Variants in PCNX2 observed in about 807,000 individuals in gnomAD.
PCNX2 encodes pecanex 2.
Under a neutral mutation model 223.8 loss-of-function variants are expected in PCNX2, and 168 were observed. That is an observed-to-expected ratio of 0.75 (90% CI 0.66 to 0.85). The LOEUF (loss-of-function observed/expected upper bound fraction) is 0.85, where lower values mean the gene tolerates loss of function less well. Among genes scored for constraint, PCNX2 ranks in the 40% least tolerant of loss-of-function variants. The pLI is 0.00. For missense variants in PCNX2, 2,507 were observed against 2,675.5 expected, an observed-to-expected ratio of 0.94 and a Z score of 1.39; for synonymous variants, 1,006 against 1,052.6, an observed-to-expected ratio of 0.96 and a Z score of 0.86.
intron 12 of PCNX2, among the ~76,000 whole-genome samples, chr1:233,211,300 T>C (rs570621641): frequency 6.6e-6 from 1 of 151,902 alleles, no homozygotes; most frequent in African/African-American, 2.4e-5. Flanking sequence ...ATCTGCTGAG[T>C]TGACAAATGT....
chr1:233,073,012 C>G (rs773931076), intron 23 of PCNX2, among the ~76,000 whole-genome samples: 6 of 152,086 alleles, frequency 3.9e-5, no homozygotes, highest in Non-Finnish European at 8.8e-5. Flanking sequence ...TGGTCCTGGG[C>G]TTTTTCTTTG....
At position 232,983,731 on chromosome 1, in the gene PCNX2, C is replaced by G. The variant is rs912860901; in HGVS notation, c.*573G>C. Reference sequence around the variant, plus strand: ...TTGTTGTGAAGCTGCCACCATGTTACGCTTAACAGCTGCATAAATATTATA... The same window carrying G: ...TTGTTGTGAAGCTGCCACCATGTTAGGCTTAACAGCTGCATAAATATTATA... On this transcript the variant is annotated 3_prime_UTR_variant, in exon 34 of 34. Transcript: ENST00000258229. 6.6e-6 allele frequency: 1 copy of G among 152,184 alleles called. No homozygotes were observed. Among genetic ancestry groups the G allele is most frequent in the Non-Finnish European group, 1.5e-5 (1 of 68,042 alleles). The allele number at this position is 152,184 out of a possible 1,614,324, so 9.4% of individuals were successfully genotyped here. A position where few individuals can be genotyped will look rare whatever the true frequency, so the allele number is the denominator to read the frequency against.
At chr1:233,326,207 T>C in the PCNX2 span, among the ~76,000 whole-genome samples, 11 of 152,366 alleles carry the variant, frequency 7.2e-5, no homozygotes, top group Admixed American at 6.5e-4. Flanking sequence ...ATATATGCAC[T>C]GGGAAATCAA....
chr1:233,206,990 GAC>G (rs1423965864), intron 13 of PCNX2, among the ~76,000 whole-genome samples: 4 of 150,792 alleles, frequency 2.7e-5, no homozygotes. Flanking sequence ...CAGCTTGGGA[GAC>G]AGAGCGAGAC....
chr1:233,105,818 G>A (rs1674732872), intron 21 of PCNX2, among the ~76,000 whole-genome samples: 3 of 152,194 alleles, frequency 2.0e-5, no homozygotes, highest in African/African-American at 7.2e-5. Context: ...CATATTTCAT[G>A]ACTGCTAATT....
In PCNX2 at chr1:233,208,826, C is replaced by CAA. The variant is rs71173255; in HGVS notation, c.2692-139_2692-138dup. 3.3e-3 allele frequency: 196 copies of CAA among 59,624 alleles called. 4 individuals are homozygous for CAA. The highest frequency in any genetic ancestry group is 4.9e-3 in the Non-Finnish European group (154 of 31,504). 3.7% of individuals were successfully genotyped at this position (59,624 alleles called of 1,614,324 possible). ...TCCCCCAAACACCACAATTCATATA[C>CAA]AAAAAAAAAAAAAAAAAAAAAAAAA... On this transcript the variant is annotated intron_variant, in intron 12 of 33. Coordinates refer to ENST00000258229, the MANE Select transcript of PCNX2 (RefSeq NM_014801.4).
the PCNX2 span, among the ~76,000 whole-genome samples, chr1:233,310,314 TTATGGAAAACTGA>T: frequency 6.6e-6 from 1 of 152,206 alleles, no homozygotes; most frequent in African/African-American, 2.4e-5. Flanking sequence ...CTGATGTATC[TTATGGAAAACTGA>T]TAGTATATCA....
At chr1:233,304,586 GTTA>G in the PCNX2 span, among the ~76,000 whole-genome samples, 1 of 152,170 alleles carries the variant, frequency 6.6e-6, no homozygotes, top group Non-Finnish European at 1.5e-5. Flanking sequence ...GAAAATGCCA[GTTA>G]TTATGAGATG....
At chr1:233,217,765 T>C in intron 12 of PCNX2, 134 bp downstream of exon 12, 2 of 869,994 alleles carry the variant, frequency 2.3e-6, no homozygotes, top group Non-Finnish European at 3.4e-6. Context: ...TATATATATA[T>C]ATTTGATATT....
At chr1:233,031,729 G>C in intron 25 of PCNX2, 1 of 984,064 alleles carries the variant, frequency 1.0e-6, no homozygotes, top group Non-Finnish European at 1.2e-6. Context: ...CAAATCTTCG[G>C]ATTCCATTTG....
chr1:233,164,143 G>A (rs1226776646), intron 17 of PCNX2, among the ~76,000 whole-genome samples: 1 of 152,126 alleles, frequency 6.6e-6, no homozygotes, highest in Non-Finnish European at 1.5e-5. Flanking sequence ...GGCAAAGGAC[G>A]TGAATAGAAA....
intron 25 of PCNX2, among the ~76,000 whole-genome samples, chr1:233,025,896 T>C (rs1481075409): frequency 1.3e-5 from 2 of 152,270 alleles, no homozygotes; most frequent in Non-Finnish European, 2.9e-5. Context: ...GATTGTGAGC[T>C]CCCTAAGGGC....
At chr1:233,038,775 G>A (rs1278133964) in intron 25 of PCNX2, among the ~76,000 whole-genome samples, 10 of 152,210 alleles carry the variant, frequency 6.6e-5, no homozygotes, top group Admixed American at 6.5e-4. Context: ...CTATGATAAA[G>A]GTTTGGGTTG....
At position 233,252,736 on chromosome 1, in the gene PCNX2, A is replaced by G. The variant is rs200104048; in HGVS notation, c.1887T>C (p.Ser629=). 3 of 1,613,510 alleles carry G rather than the reference A, an allele frequency of 1.9e-6. No individual in the cohort carries two copies. The highest frequency in any genetic ancestry group is 2.5e-6 in the Non-Finnish European group (3 of 1,179,790). The change falls in exon 6 of 34, where the codon AGT becomes AGC. Residue 629 remains serine, a synonymous_variant. Transcript: ENST00000258229. The part of the protein sequence containing the change: ...KEEILENEKP[S]GHSSKQGKPD... ...GTTTTCCTTGCTTAGAACTGTGTCC[A>G]CTGGGCTTTTCATTTTCCAGGATTT...
intron 19 of PCNX2, among the ~76,000 whole-genome samples, chr1:233,150,882 C>G (rs1479898846): frequency 6.6e-6 from 1 of 152,048 alleles, no homozygotes; most frequent in Non-Finnish European, 1.5e-5. Context: ...AACACCAAAC[C>G]ATAATAATAA....
intron 21 of PCNX2, among the ~76,000 whole-genome samples, chr1:233,130,856 G>A (rs1354877875): frequency 2.6e-5 from 4 of 151,872 alleles, no homozygotes; most frequent in Non-Finnish European, 4.4e-5. Flanking sequence ...CAGACCTCAG[G>A]GGGAGTGGGG....
chr1:233,066,059 C>A (rs1231501573), intron 23 of PCNX2, among the ~76,000 whole-genome samples: 2 of 152,174 alleles, frequency 1.3e-5, no homozygotes, highest in African/African-American at 4.8e-5. Context: ...CTGGACTCAG[C>A]CACACTTTGG....
chr1:233,066,217 G>C, intron 23 of PCNX2, among the ~76,000 whole-genome samples: 1 of 152,174 alleles, frequency 6.6e-6, no homozygotes, highest in East Asian at 1.9e-4. Flanking sequence ...ACAAAATCCT[G>C]GGACCCACCA....
At chr1:233,290,275 TTTA>T (rs1461451800) in intron 1 of PCNX2, among the ~76,000 whole-genome samples, 2 of 152,184 alleles carry the variant, frequency 1.3e-5, no homozygotes, top group Non-Finnish European at 2.9e-5. Flanking sequence ...CAAACTGTAA[TTTA>T]TTATGCAAGG....
Sources: gnomAD v4.1 joint callset for allele counts (sites outside exome capture counted in the v4.1 genomes callset) on GRCh38, gnomAD v4.1.1 for gene constraint, MANE v1.5 for transcripts, NCBI Gene and HGNC (gene_info 2026-07-23, HGNC 2026-07-21) for gene names.